The following PRKD2 variants were observed in gnomAD, a reference collection of about 807,000 sequenced individuals.
PRKD2 encodes the protein protein kinase D2, also known as serine/threonine-protein kinase D2.
PRKD2 carries 22 observed loss-of-function variants against 86.0 expected under a neutral mutation model. The ratio of observed to expected loss-of-function variants is 0.26; its 90% CI spans 0.18 to 0.37. PRKD2 has a LOEUF of 0.37. Among genes scored for constraint, PRKD2 ranks in the 10% least tolerant of loss-of-function variants. The pLI is 1.00. For missense variants in PRKD2, 818 were observed against 1,199.2 expected, an observed-to-expected ratio of 0.68 and a Z score of 4.70; for synonymous variants, 509 against 510.9, an observed-to-expected ratio of 1.00 and a Z score of 0.05.
intron 2 of PRKD2, 52 bp downstream of exon 2, chr19:46,713,811 A>AT: frequency 6.1e-6 from 5 of 825,544 alleles, no homozygotes; most frequent in Admixed American, 2.8e-5. Flanking sequence ...CCTCCCCCAG[A>AT]TGCCCCGCCC....
At chr19:46,715,893 G>A (rs1599846974) in intron 1 of PRKD2, among the ~76,000 whole-genome samples, 2 of 152,196 alleles carry the variant, frequency 1.3e-5, no homozygotes, top group South Asian at 4.1e-4. Context: ...AGAAAACAAC[G>A]ACATGCAGGG....
chr19:46,711,108 C>T (rs1339169658), intron 2 of PRKD2, 70 bp from the exon 3 acceptor site: 1 of 1,504,864 alleles, frequency 6.6e-7, no homozygotes, highest in Non-Finnish European at 9.0e-7. Flanking sequence ...CCCACGTTCC[C>T]TGATTTCTCA....
chr19:46,686,779 G>A (rs2053404816), intron 14 of PRKD2, among the ~76,000 whole-genome samples: 1 of 151,858 alleles, frequency 6.6e-6, no homozygotes, highest in Non-Finnish European at 1.5e-5. Context: ...GTGAGACCCT[G>A]TCTCTACTGA....
At position 46,716,576 on chromosome 19, in the gene PRKD2, G is replaced by A. The variant is rs767317944; in HGVS notation, c.-206C>T. 1 of 417,498 alleles carries A rather than the reference G, an allele frequency of 2.4e-6. No homozygotes were observed. The highest frequency in any genetic ancestry group is 3.6e-5 in the East Asian group (1 of 27,498). 25.9% of individuals were successfully genotyped at this position (417,498 alleles called of 1,614,324 possible). ...AGGCACTATAGTGGGTCAGAGGCCC[G>A]GAATCCAGGGCTCCCAGAAGATCAG... On this transcript the variant is annotated 5_prime_UTR_variant, in exon 1 of 18. Coordinates refer to ENST00000291281, the MANE Select transcript of PRKD2 (RefSeq NM_016457.5). The surrounding 1 kb of genome is among the most constrained non-coding windows in gnomAD (Gnocchi z 7.9).
At position 46,704,220 on chromosome 19, in the gene PRKD2, C is replaced by A; in HGVS notation, c.838G>T (p.Ala280Ser). The change falls in exon 5 of 18, where the codon GCT becomes TCT. Residue 280 changes from alanine (A) to serine (S), a missense_variant. Physicochemically the swap from Ala to Ser is moderately conservative, Grantham distance 99 (BLOSUM62 1). Coordinates refer to ENST00000291281, the MANE Select transcript of PRKD2 (RefSeq NM_016457.5). Reference protein sequence around the residue: ...HSYTRPTVCQACKKLLKGLFR... With the variant: ...HSYTRPTVCQSCKKLLKGLFR... The stretch of plus-strand genomic sequence containing the variant: ...AGGCCCTTGAGGAGTTTCTTGCAAG[C>A]CTGGCAAACGGTGGGCCGTGTATAG... 2 of 1,614,194 alleles carry A rather than the reference C, an allele frequency of 1.2e-6. No homozygotes were observed. Among genetic ancestry groups the A allele is most frequent in the Non-Finnish European group, 1.7e-6 (2 of 1,180,028 alleles).
At position 46,675,177 on chromosome 19, in the gene PRKD2, T is replaced by C. The variant is rs1414005742; in HGVS notation, c.2339-59A>G. On this transcript the variant is annotated intron_variant, in intron 16 of 17. Coordinates refer to ENST00000291281, the MANE Select transcript of PRKD2 (RefSeq NM_016457.5). ...AGGTCAAGGGTCACTCCTCCTCCAA[T>C]AGGCACCCCCTAGCCTACCTGCCTG... The C allele has an allele frequency of 1.0e-5, 15 of 1,448,076 alleles. No homozygotes were observed. The East Asian group carries it at 3.1e-4, about 30-fold the overall frequency. The allele number at this position is 1,448,076 out of a possible 1,614,324, so 89.7% of individuals were successfully genotyped here.
intron 3 of PRKD2, among the ~76,000 whole-genome samples, chr19:46,709,657 G>A (rs755797132): frequency 2.6e-5 from 4 of 152,106 alleles, no homozygotes; most frequent in Non-Finnish European, 4.4e-5. Context: ...CACCGCACCC[G>A]GCCCAGTGGA....
chr19:46,681,512 C>G, intron 15 of PRKD2, 138 bp downstream of exon 15: 1 of 624,036 alleles, frequency 1.6e-6, no homozygotes, highest in South Asian at 1.9e-5. Flanking sequence ...CCTGCCTCAG[C>G]CTCTCAAAAT....
In PRKD2 at chr19:46,678,832, T is replaced by C. The variant is rs1416837880; in HGVS notation, c.2071-169A>G. Among the ~76,000 whole-genome samples the C allele has an allele frequency of 6.6e-6, 1 of 152,128 alleles. No homozygotes were observed. The highest frequency in any genetic ancestry group is 2.4e-5 in the African/African-American group (1 of 41,426). On this transcript the variant is annotated intron_variant, in intron 15 of 17. Coordinates refer to ENST00000291281, the MANE Select transcript of PRKD2 (RefSeq NM_016457.5). This position sits in a 1 kb window ranked among gnomAD's most constrained non-coding sequence, Gnocchi z 5.7. ...CCCTGGGCAGGTGACTTCCCCCCTCTGTGCCTCAGTTTCCCCATCTATAGG... is the reference window on the plus strand; with the variant it reads ...CCCTGGGCAGGTGACTTCCCCCCTCCGTGCCTCAGTTTCCCCATCTATAGG...
chr19:46,680,948 T>TTATATATATATATATATATA (rs2053295554), intron 15 of PRKD2, among the ~76,000 whole-genome samples: 1 of 26,550 alleles, frequency 3.8e-5, no homozygotes, highest in African/African-American at 9.4e-5. Context: ...ATATATATAT[T>TTATATATATATATATATATA]TTTTTTTTTT....
intron 7 of PRKD2, among the ~76,000 whole-genome samples, chr19:46,699,036 ACT>A (rs1599830997): frequency 6.6e-6 from 1 of 151,842 alleles, no homozygotes; most frequent in African/African-American, 2.4e-5. Context: ...CGCAGGAAAC[ACT>A]CTGTCGTCAC....
intron 15 of PRKD2, among the ~76,000 whole-genome samples, chr19:46,680,096 G>A: frequency 6.6e-6 from 1 of 152,112 alleles, no homozygotes; most frequent in African/African-American, 2.4e-5. Flanking sequence ...ACTGTTGCTT[G>A]CAGGATAGAG....
At chr19:46,685,258 CAA>C (rs763420052) in intron 14 of PRKD2, among the ~76,000 whole-genome samples, 42 of 89,098 alleles carry the variant, frequency 4.7e-4, no homozygotes, top group African/African-American at 1.2e-3. Context: ...GACTTCGTCT[CAA>C]AAAAAAAAAA....
chr19:46,676,623 C>T (rs985261087), intron 16 of PRKD2, among the ~76,000 whole-genome samples: 6 of 152,316 alleles, frequency 3.9e-5, no homozygotes, highest in South Asian at 4.1e-4. Flanking sequence ...TGAACCCATC[C>T]GAGGAGAGGC....
intron 3 of PRKD2, 81 bp from the exon 4 acceptor site, chr19:46,704,730 CA>C: frequency 1.3e-6 from 2 of 1,498,384 alleles, no homozygotes; most frequent in Admixed American, 2.2e-5. Context: ...CCTTTCCACC[CA>C]ATCTCTCACC....
Position 46,686,722 on chromosome 19 carries a change from C to T in PRKD2, c.1971+2815G>A, listed in dbSNP as rs191527544. On this transcript the variant is annotated intron_variant, in intron 14 of 17. Transcript: ENST00000291281. The stretch of plus-strand genomic sequence containing the variant: ...ATCCCAGCACTTTGGGAGGCCGAGG[C>T]GGGTGGATCACGAGGTCAGGAGATC... 2.5e-3 allele frequency among the ~76,000 whole-genome samples: 372 copies of T among 151,430 alleles called. 1 individual carries two copies. The highest frequency in any genetic ancestry group is 8.2e-3 in the African/African-American group (337 of 41,268).
intron 2 of PRKD2, among the ~76,000 whole-genome samples, chr19:46,713,186 CTTTTTTT>C (rs59172459): frequency 5.9e-5 from 7 of 119,020 alleles, no homozygotes; most frequent in East Asian, 2.5e-4. Context: ...GCCCGGTTAA[CTTTTTTT>C]TTTTTTTTTT....
At chr19:46,705,901 C>G (rs1007060102) in intron 3 of PRKD2, among the ~76,000 whole-genome samples, 1 of 152,156 alleles carries the variant, frequency 6.6e-6, no homozygotes, top group Non-Finnish European at 1.5e-5. Context: ...CCTGTACCCC[C>G]GGCTGAAGCA....
chr19:46,680,946 A>ATATATATATATTTTTTTTTTTT, intron 15 of PRKD2, among the ~76,000 whole-genome samples: 1 of 48,258 alleles, frequency 2.1e-5, no homozygotes, highest in Non-Finnish European at 4.0e-5. Context: ...ATATATATAT[A>ATATATATATATTTTTTTTTTTT]TTTTTTTTTT....
Sources: allele counts gnomAD v4.1 joint callset (sites outside exome capture counted in the v4.1 genomes callset), GRCh38; gene constraint gnomAD v4.1.1; non-coding constraint Gnocchi (gnomAD v3.1); transcripts MANE v1.5; gene names NCBI Gene and HGNC (gene_info 2026-07-23, HGNC 2026-07-21).